SLC5A7: variants seen among roughly 807,000 people sequenced by gnomAD.
SLC5A7 encodes solute carrier family 5 member 7.
A neutral mutation model predicts 55.4 loss-of-function variants in SLC5A7; 19 were observed. The observed-to-expected ratio is 0.34, with a 90% confidence interval of 0.24 to 0.50. The LOEUF (loss-of-function observed/expected upper bound fraction) is 0.50, where lower values mean the gene tolerates loss of function less well. SLC5A7 is among the 20% of genes least tolerant of loss of function. SLC5A7 has a pLI of 0.98. For synonymous variants in SLC5A7, 265 were observed against 263.7 expected (o/e 1.00, Z -0.05); for missense variants, 506 against 705.3 (o/e 0.72, Z 3.20).
In SLC5A7 at chr2:108,011,492, G is replaced by A. The variant is rs889350464; in HGVS notation, c.*631G>A. 9.2e-5 allele frequency: 14 copies of A among 152,122 alleles called. No homozygotes were observed. Among genetic ancestry groups the A allele is most frequent in the African/African-American group, 3.4e-4 (14 of 41,434 alleles). The allele number at this position is 152,122 out of a possible 1,614,324, so 9.4% of individuals were successfully genotyped here. ...GTATTGGCATTTATTTATGTGCAAG[G>A]TGATAGGAAAACTGAATCCATCTTT... On this transcript the variant is annotated 3_prime_UTR_variant, in exon 9 of 9. Transcript: ENST00000264047.
intron 6 of SLC5A7, 121 bp downstream of exon 6, chr2:108,002,161 G>A: frequency 8.4e-7 from 1 of 1,186,522 alleles, no homozygotes; most frequent in East Asian, 2.5e-5. Flanking sequence ...TTTCTGAATT[G>A]AGGACTCTCT....
chr2:107,986,723 G>A lies in SLC5A7; in HGVS notation c.-92G>A, dbSNP rs1479538801. The A allele has an allele frequency of 2.6e-5, 4 of 152,454 alleles. No individual in the cohort carries two copies. The highest frequency in any genetic ancestry group is 6.5e-5 in the Admixed American group (1 of 15,276). The allele number at this position is 152,454 out of a possible 1,614,324, so 9.4% of individuals were successfully genotyped here. Reference sequence around the variant, plus strand: ...ACCCCTCGCGGTTCCAGGGGGCGGCGGCCCCGGGCGGAGCGCTTTCGCGTG... The same window carrying A: ...ACCCCTCGCGGTTCCAGGGGGCGGCAGCCCCGGGCGGAGCGCTTTCGCGTG... On this transcript the variant is annotated 5_prime_UTR_variant, in exon 1 of 9. Transcript: ENST00000264047.
At chr2:108,001,659 C>A (rs1180030448) in intron 5 of SLC5A7, among the ~76,000 whole-genome samples, 33 of 126,626 alleles carry the variant, frequency 2.6e-4, no homozygotes, top group African/African-American at 9.4e-4. Flanking sequence ...GGCGACAGAG[C>A]GAGACTCCGT....
intron 4 of SLC5A7, among the ~76,000 whole-genome samples, chr2:107,993,799 A>G (rs754899242): frequency 6.6e-6 from 1 of 152,226 alleles, no homozygotes; most frequent in South Asian, 2.1e-4. Flanking sequence ...GCAGTAAATA[A>G]CATTCCTAAA....
intron 4 of SLC5A7, among the ~76,000 whole-genome samples, chr2:107,994,183 A>G (rs1165190554): frequency 6.6e-6 from 1 of 152,208 alleles, no homozygotes; most frequent in Non-Finnish European, 1.5e-5. Context: ...CCTTCAGCAC[A>G]TCCAATTTCA....
chr2:108,005,981 G>A, intron 6 of SLC5A7, 68 bp from the exon 7 acceptor site: 3 of 1,586,432 alleles, frequency 1.9e-6, no homozygotes, highest in East Asian at 2.2e-5. Context: ...TTCTAAATGT[G>A]ATTGCAATAA....
intron 5 of SLC5A7, among the ~76,000 whole-genome samples, chr2:108,000,446 ATTT>A (rs942904256): frequency 4.0e-5 from 6 of 151,870 alleles, no homozygotes; most frequent in African/African-American, 1.4e-4. Flanking sequence ...TTTTTAAAAA[ATTT>A]TTATTTTATT....
At chr2:107,987,967 C>T (rs1013329820) in intron 1 of SLC5A7, 138 bp from the exon 2 acceptor site, 5 of 451,414 alleles carry the variant, frequency 1.1e-5, no homozygotes, top group Admixed American at 1.1e-4. Context: ...GTTAACTGCC[C>T]GTTTCACGTG....
intron 2 of SLC5A7, among the ~76,000 whole-genome samples, chr2:107,990,030 C>T (rs1667992627): frequency 6.6e-6 from 1 of 151,856 alleles, no homozygotes; most frequent in African/African-American, 2.4e-5. Flanking sequence ...TATCATAATT[C>T]ATTTAAAATC....
intron 3 of SLC5A7, 83 bp downstream of exon 3, chr2:107,992,302 A>T: frequency 2.7e-6 from 2 of 745,442 alleles, no homozygotes; most frequent in Non-Finnish European, 2.2e-6. Context: ...ATAACAAGTC[A>T]AACACTCTGA....
chr2:108,004,081 T>C (rs1329743737), intron 6 of SLC5A7, among the ~76,000 whole-genome samples: 2 of 152,162 alleles, frequency 1.3e-5, no homozygotes, highest in Non-Finnish European at 2.9e-5. Flanking sequence ...CTGAATAGTA[T>C]CATGTTGGGA....
intron 5 of SLC5A7, among the ~76,000 whole-genome samples, chr2:108,000,119 G>T (rs908975342): frequency 6.6e-6 from 1 of 152,002 alleles, no homozygotes; most frequent in South Asian, 2.1e-4. Context: ...CTACTCCCTT[G>T]CCAGCAAAGC....
chr2:107,999,720 C>T (rs954230439), intron 5 of SLC5A7, among the ~76,000 whole-genome samples: 1 of 152,132 alleles, frequency 6.6e-6, no homozygotes, highest in Non-Finnish European at 1.5e-5. Context: ...TATCATCACC[C>T]CTGGAGCTCC....
intron 4 of SLC5A7, among the ~76,000 whole-genome samples, chr2:107,995,201 A>G (rs536171752): frequency 6.6e-6 from 1 of 152,342 alleles, no homozygotes; most frequent in African/African-American, 2.4e-5. Context: ...GCAACATGTT[A>G]CTGCACTGAA....
chr2:108,013,707 A>T lies in SLC5A7; in HGVS notation c.*2846A>T, dbSNP rs1267808220. 6.6e-6 allele frequency: 1 copy of T among 152,170 alleles called. No homozygotes were observed. The highest frequency in any genetic ancestry group is 2.4e-5 in the African/African-American group (1 of 41,468). The allele number at this position is 152,170 out of a possible 1,614,324, so 9.4% of individuals were successfully genotyped here. ...TGTGGATAAAACATTAGAAGAAAAC[A>T]TATATTTTATTTTCATACTTTTGAT... On this transcript the variant is annotated 3_prime_UTR_variant, in exon 9 of 9. Coordinates refer to ENST00000264047, the MANE Select transcript of SLC5A7 (RefSeq NM_021815.5).
At chr2:108,005,402 A>T (rs1433475767) in intron 6 of SLC5A7, among the ~76,000 whole-genome samples, 1 of 152,220 alleles carries the variant, frequency 6.6e-6, no homozygotes, top group Admixed American at 6.5e-5. Flanking sequence ...ATATTTTATG[A>T]TGGTTAGAAC....
At chr2:107,987,166 A>C (rs1191950968) in intron 1 of SLC5A7, among the ~76,000 whole-genome samples, 1 of 151,894 alleles carries the variant, frequency 6.6e-6, no homozygotes, top group Non-Finnish European at 1.5e-5. Context: ...TCCCCCAGAA[A>C]CTTGTATGTG....
chr2:107,987,878 T>G (rs1050323986), intron 1 of SLC5A7, among the ~76,000 whole-genome samples: 17 of 149,894 alleles, frequency 1.1e-4, no homozygotes, highest in African/African-American at 3.7e-4. Context: ...TACATTTCCG[T>G]TTTTTTTTCT....
At chr2:108,007,133 A>C (rs1678155868) in intron 7 of SLC5A7, among the ~76,000 whole-genome samples, 1 of 152,156 alleles carries the variant, frequency 6.6e-6, no homozygotes, top group African/African-American at 2.4e-5. Flanking sequence ...GCACTTAATG[A>C]AAATACATCA....
Sources: gnomAD v4.1 joint callset for allele counts (sites outside exome capture counted in the v4.1 genomes callset) on GRCh38, gnomAD v4.1.1 for gene constraint, MANE v1.5 for transcripts, NCBI Gene and HGNC (gene_info 2026-07-23, HGNC 2026-07-21) for gene names.